The following NR3C2 variants were observed in gnomAD, a reference collection of about 807,000 sequenced individuals.
The protein encoded by NR3C2 is nuclear receptor subfamily 3 group C member 2.
In NR3C2, 15 loss-of-function variants were observed where a neutral mutation model predicts 86.4. That is an observed-to-expected ratio of 0.17 (90% CI 0.12 to 0.27). The LOEUF (loss-of-function observed/expected upper bound fraction) is 0.27, where lower values mean the gene tolerates loss of function less well. NR3C2 is among the 10% of genes least tolerant of loss of function. The pLI is 1.00. For synonymous variants in NR3C2, 458 were observed against 450.5 expected (o/e 1.02, Z -0.21); for missense variants, 960 against 1,195.6 (o/e 0.80, Z 2.91).
intron 2 of NR3C2, among the ~76,000 whole-genome samples, chr4:148,373,307 G>C (rs1038108871): frequency 2.0e-5 from 3 of 151,894 alleles, no homozygotes; most frequent in Non-Finnish European, 2.9e-5. Flanking sequence ...CTCACCTATT[G>C]AAATCCATTG....
rs561069346 is a variant in NR3C2 at position 148,088,661 on chromosome 4, C to A, written c.2800-7162G>T. 4.8e-3 allele frequency among the ~76,000 whole-genome samples: 670 copies of A among 140,014 alleles called. 3 individuals carry two copies. The highest frequency in any genetic ancestry group is 7.4e-3 in the Non-Finnish European group (488 of 65,874). The allele number at this position is 140,014 out of a possible 152,430, so 91.9% of individuals were successfully genotyped here. On this transcript the variant is annotated intron_variant, in intron 8 of 8. Coordinates refer to ENST00000358102, the MANE Select transcript of NR3C2 (RefSeq NM_000901.5). ...TTCTCACTCATAAGTGGGAGTTGAACAATGAGAACACATGGACACAGGGAG... is the reference window on the plus strand; with the variant it reads ...TTCTCACTCATAAGTGGGAGTTGAAAAATGAGAACACATGGACACAGGGAG...
chr4:148,098,739 A>C (rs960790911), intron 8 of NR3C2, among the ~76,000 whole-genome samples: 1 of 152,222 alleles, frequency 6.6e-6, no homozygotes, highest in Admixed American at 6.5e-5. Context: ...CTGCAGTTTA[A>C]CCCACATATA....
intron 2 of NR3C2, among the ~76,000 whole-genome samples, chr4:148,398,786 C>A (rs7688969): frequency 0.22 from 32,812 of 151,978 alleles, 4,510 homozygotes; most frequent in African/African-American, 0.39. Flanking sequence ...TTAAGAAATT[C>A]AAAATAATTA....
intron 3 of NR3C2, among the ~76,000 whole-genome samples, chr4:148,232,107 T>TA (rs1268529855): frequency 1.3e-5 from 2 of 152,244 alleles, no homozygotes; most frequent in South Asian, 4.1e-4. Context: ...AAACTCCTGT[T>TA]AATGTTGATA....
At chr4:148,103,586 G>A (rs1731640303) in intron 8 of NR3C2, among the ~76,000 whole-genome samples, 1 of 152,196 alleles carries the variant, frequency 6.6e-6, no homozygotes. Flanking sequence ...CTTTTTTAAT[G>A]TAGCGTTCTG....
At chr4:148,313,393 A>G (rs77388230) in intron 2 of NR3C2, among the ~76,000 whole-genome samples, 9,229 of 152,276 alleles carry the variant, frequency 0.061, 382 homozygotes, top group African/African-American at 0.12. Context: ...GTAGAGGACT[A>G]TAATATGCTT....
intron 2 of NR3C2, among the ~76,000 whole-genome samples, chr4:148,341,324 G>A (rs1744738275): frequency 6.6e-6 from 1 of 152,116 alleles, no homozygotes; most frequent in Non-Finnish European, 1.5e-5. Flanking sequence ...TGGAACTGGA[G>A]GGCATTATAT....
chr4:148,104,428 G>A lies in NR3C2; in HGVS notation c.2799+9676C>T, dbSNP rs563305420. Among the ~76,000 whole-genome samples, 112 of 143,476 alleles carry A rather than the reference G, an allele frequency of 7.8e-4. 1 individual carries two copies. The highest frequency in any genetic ancestry group is 1.3e-3 in the Non-Finnish European group (88 of 66,884). 94.1% of individuals were successfully genotyped at this position (143,476 alleles called of 152,430 possible). A position where few individuals can be genotyped will look rare whatever the true frequency, so the allele number is the denominator to read the frequency against. On this transcript the variant is annotated intron_variant, in intron 8 of 8. Transcript: ENST00000358102. ...GAGAAGGCTTTGCTACCAGTTAGCT[G>A]ACTATGGAATAAATGATTCTTCCTT...
At chr4:148,349,178 G>A (rs1355756151) in intron 2 of NR3C2, among the ~76,000 whole-genome samples, 2 of 152,092 alleles carry the variant, frequency 1.3e-5, no homozygotes, top group Admixed American at 1.3e-4. Flanking sequence ...CCCAGAACCT[G>A]ACACAGATAA....
At chr4:148,249,506 T>C (rs1443529766) in intron 3 of NR3C2, among the ~76,000 whole-genome samples, 1 of 152,250 alleles carries the variant, frequency 6.6e-6, no homozygotes, top group African/African-American at 2.4e-5. Context: ...TAGATTTGTA[T>C]TCTTTCATCT....
chr4:148,311,437 C>G (rs533049580), intron 2 of NR3C2, among the ~76,000 whole-genome samples: 2 of 152,296 alleles, frequency 1.3e-5, no homozygotes, highest in African/African-American at 4.8e-5. Context: ...CCGGAGCCAT[C>G]TTTTTCTCTC....
chr4:148,253,086 A>C (rs1459813604), intron 3 of NR3C2, among the ~76,000 whole-genome samples: 1 of 152,200 alleles, frequency 6.6e-6, no homozygotes, highest in African/African-American at 2.4e-5. Flanking sequence ...TTTCTAATAA[A>C]TTACTTCAAC....
chr4:148,152,088 G>A (rs1336295324), intron 6 of NR3C2, among the ~76,000 whole-genome samples: 2 of 152,134 alleles, frequency 1.3e-5, no homozygotes, highest in African/African-American at 4.8e-5. Context: ...GTAAAAGCTG[G>A]CACTTTATAT....
At chr4:148,375,230 C>A (rs1207649980) in intron 2 of NR3C2, among the ~76,000 whole-genome samples, 2 of 152,032 alleles carry the variant, frequency 1.3e-5, no homozygotes. Context: ...CCGAGGTTGG[C>A]GTATCACTTG....
At chr4:148,428,558 T>G (rs184819527) in intron 2 of NR3C2, among the ~76,000 whole-genome samples, 1 of 152,296 alleles carries the variant, frequency 6.6e-6, no homozygotes, top group African/African-American at 2.4e-5. Context: ...ATTTCTGGAT[T>G]TTAATGGTTA....
chr4:148,351,178 C>T (rs1270882158), intron 2 of NR3C2, among the ~76,000 whole-genome samples: 1 of 152,132 alleles, frequency 6.6e-6, no homozygotes, highest in Non-Finnish European at 1.5e-5. Flanking sequence ...TGGAGTCTTG[C>T]TCTCTCACCC....
intron 2 of NR3C2, among the ~76,000 whole-genome samples, chr4:148,390,307 G>T (rs1038065055): frequency 6.6e-6 from 1 of 151,998 alleles, no homozygotes; most frequent in Non-Finnish European, 1.5e-5. Context: ...ATGAATGCAT[G>T]AATGTTTGTT....
intron 2 of NR3C2, among the ~76,000 whole-genome samples, chr4:148,319,357 T>C (rs932904367): frequency 9.2e-5 from 14 of 152,160 alleles, no homozygotes; most frequent in South Asian, 2.1e-4. Context: ...CTTGGCGATG[T>C]GGGCTCTTTT....
chr4:148,156,121 T>C (rs1172775574), intron 4 of NR3C2, among the ~76,000 whole-genome samples: 1 of 152,058 alleles, frequency 6.6e-6, no homozygotes, highest in African/African-American at 2.4e-5. Flanking sequence ...TCAAGATTGA[T>C]TAAAGACTTA....
Sources: gnomAD v4.1 joint callset for allele counts (sites outside exome capture counted in the v4.1 genomes callset) on GRCh38, gnomAD v4.1.1 for gene constraint, MANE v1.5 for transcripts, NCBI Gene and HGNC (gene_info 2026-07-23, HGNC 2026-07-21) for gene names.